XPOT: variants seen among roughly 807,000 people sequenced by gnomAD.
XPOT encodes the protein exportin for tRNA.
A neutral mutation model predicts 128.2 loss-of-function variants in XPOT; 34 were observed. The ratio of observed to expected loss-of-function variants is 0.27; its 90% CI spans 0.20 to 0.35. The LOEUF (loss-of-function observed/expected upper bound fraction) is 0.35. XPOT is among the 10% of genes least tolerant of loss of function. The pLI is 1.00. For synonymous variants in XPOT, 348 were observed against 394.3 expected (o/e 0.88, Z 1.39); for missense variants, 838 against 1,125.3 (o/e 0.74, Z 3.65).
At chr12:64,429,444 CT>C (rs34238513) in intron 16 of XPOT, among the ~76,000 whole-genome samples, 21,157 of 143,588 alleles carry the variant, frequency 0.15, 1,635 homozygotes, top group Middle Eastern at 0.24. Flanking sequence ...CACTCTAGTA[CT>C]TTTTTTTTTT....
intron 22 of XPOT, among the ~76,000 whole-genome samples, chr12:64,437,641 G>T (rs1164148194): frequency 6.6e-6 from 1 of 152,160 alleles, no homozygotes; most frequent in Non-Finnish European, 1.5e-5. Flanking sequence ...GTAGGCAGTG[G>T]GTTTGTAATT....
At chr12:64,425,714 G>A (rs2040186571) in intron 14 of XPOT, 101 bp from the exon 15 acceptor site, 1 of 1,171,874 alleles carries the variant, frequency 8.5e-7, no homozygotes, top group Non-Finnish European at 1.3e-6. Flanking sequence ...TGCCTTTTAG[G>A]AGCTAAGAAG....
rs746167584 is a variant in XPOT at position 64,420,429 on chromosome 12, G to C, written c.751G>C (p.Val251Leu). Residue 251 changes from valine to leucine, a missense_variant, in exon 8 of 25, where the codon GTA (valine) becomes CTA (leucine). Physicochemically the swap from Val to Leu is conservative, Grantham distance 32. Around this residue, in one of 3 missense-constraint regions of XPOT, gnomAD observed 761 missense variants for 988.3 expected, o/e 0.77. Coordinates refer to ENST00000332707, the MANE Select transcript of XPOT (RefSeq NM_007235.6). ...AGCATGTGACTGTTTATTTGAAGTT[G>C]TAAATAAAGGAATGGACCCTGTTGA... is the stretch of plus-strand genomic sequence containing the variant. Reference protein sequence around the residue: ...EEACDCLFEVVNKGMDPVDKM... With the variant: ...EEACDCLFEVLNKGMDPVDKM... 6.2e-7 allele frequency: 1 copy of C among 1,613,060 alleles called. No homozygotes were observed. Among genetic ancestry groups the C allele is most frequent in the South Asian group, 1.1e-5 (1 of 91,050 alleles).
chr12:64,410,864 T>G (rs577307885), intron 2 of XPOT, among the ~76,000 whole-genome samples: 1 of 152,282 alleles, frequency 6.6e-6, no homozygotes, highest in African/African-American at 2.4e-5. Context: ...GACGTGGGCA[T>G]TTGGAACTAT....
At position 64,423,221 on chromosome 12, in the gene XPOT, G is replaced by A; in HGVS notation, c.1159G>A (p.Glu387Lys). ...CGTTATGAAAAAATTGACTTACGATGAAGAATATAACTTTGAAAATGAGGT... is the reference window on the plus strand; with the variant it reads ...CGTTATGAAAAAATTGACTTACGATAAAGAATATAACTTTGAAAATGAGGT... ...LAVMKKLTYD[E>K]EYNFENEGED... is the part of the protein sequence containing the mutation. The change falls in exon 11 of 25, where the codon GAA (glutamate) becomes AAA (lysine). Residue 387 changes from glutamate (E) to lysine (K), a missense_variant. Glu to Lys is a moderately conservative substitution (Grantham distance 56). Transcript: ENST00000332707. The A allele has an allele frequency of 6.3e-7, 1 of 1,593,492 alleles. No homozygotes were observed. Among genetic ancestry groups the A allele is most frequent in the Non-Finnish European group, 8.5e-7 (1 of 1,174,628 alleles).
intron 24 of XPOT, 41 bp downstream of exon 24, chr12:64,445,172 T>C (rs776576476): frequency 1.9e-5 from 29 of 1,490,966 alleles, no homozygotes; most frequent in Non-Finnish European, 2.0e-5. Flanking sequence ...TACAATTAGG[T>C]AATGTTTGAG....
intron 6 of XPOT, among the ~76,000 whole-genome samples, chr12:64,419,403 C>T (rs1379850591): frequency 6.6e-6 from 1 of 152,074 alleles, no homozygotes; most frequent in Non-Finnish European, 1.5e-5. Context: ...CTGCAACCTC[C>T]GCCTCCTGGG....
intron 1 of XPOT, among the ~76,000 whole-genome samples, chr12:64,408,901 G>T (rs2040008962): frequency 6.6e-6 from 1 of 152,158 alleles, no homozygotes; most frequent in African/African-American, 2.4e-5. Context: ...TTGAACTCCT[G>T]ACCTTAAGTG....
At chr12:64,445,182 G>A in intron 24 of XPOT, 51 bp downstream of exon 24, 1 of 1,388,490 alleles carries the variant, frequency 7.2e-7, no homozygotes, top group Non-Finnish European at 1.0e-6. Context: ...TAATGTTTGA[G>A]AGCCAAGAGA....
intron 22 of XPOT, among the ~76,000 whole-genome samples, chr12:64,437,853 G>A (rs1011836714): frequency 6.6e-6 from 1 of 152,176 alleles, no homozygotes; most frequent in African/African-American, 2.4e-5. Flanking sequence ...GGTGGTGCAC[G>A]CCTGTAATCC....
intron 24 of XPOT, among the ~76,000 whole-genome samples, chr12:64,446,772 C>G (rs2040370345): frequency 6.6e-6 from 1 of 152,116 alleles, no homozygotes; most frequent in Admixed American, 6.6e-5. Flanking sequence ...CTAGGTTTGC[C>G]TTAAGCACAG....
rs1220828124 is a variant in XPOT, at chr12:64,448,501, TTA to T, written c.*372_*373del. ...AATATAAAATCTTTGAAAATTTTCT[TTA>T]TGTGTGAAGACACAAAGTATGGGGG... is the stretch of plus-strand genomic sequence containing the variant. On this transcript the variant is annotated 3_prime_UTR_variant, in exon 25 of 25. Transcript: ENST00000332707. 2.9e-4 allele frequency: 52 copies of T among 179,078 alleles called. No homozygotes were observed. The highest frequency in any genetic ancestry group is 1.1e-3 in the African/African-American group (48 of 42,462). 11.1% of individuals were successfully genotyped at this position (179,078 alleles called of 1,614,324 possible).
chr12:64,421,823 CTTTTT>C (rs1356583436), intron 9 of XPOT, among the ~76,000 whole-genome samples: 1 of 147,148 alleles, frequency 6.8e-6, no homozygotes, highest in East Asian at 2.0e-4. Context: ...ATTTTTTTTT[CTTTTT>C]TGAGACGGAG....
chr12:64,431,761 T>G lies in XPOT; in HGVS notation c.2200T>G (p.Cys734Gly), dbSNP rs1037800845. Residue 734 changes from cysteine (C) to glycine (G), a missense_variant, in exon 18 of 25, where the codon TGT becomes GGT. By Grantham distance (159) the Cys-to-Gly change is radical (BLOSUM62 -3). Transcript: ENST00000332707. ...PSASEHMLKD[C>G]EAKDLQEFIP... is the part of the protein sequence containing the mutation. ...TGCTTCAGAACATATGCTCAAAGAT[T>G]GTGAAGCAAAAGATCTCCAGGAGTT... 1.2e-6 allele frequency: 2 copies of G among 1,613,982 alleles called. No individual in the cohort carries two copies. Among genetic ancestry groups the G allele is most frequent in the Non-Finnish European group, 8.5e-7 (1 of 1,180,006 alleles).
intron 22 of XPOT, 21 bp downstream of exon 22, chr12:64,435,695 C>T (rs2040276878): frequency 1.3e-6 from 2 of 1,584,580 alleles, no homozygotes; most frequent in African/African-American, 2.7e-5. Flanking sequence ...TAGTCCATGC[C>T]CCTTCATTTT....
chr12:64,409,502 A>G (rs557316955), intron 1 of XPOT, among the ~76,000 whole-genome samples: 141 of 152,288 alleles, frequency 9.3e-4, no homozygotes, highest in Middle Eastern at 3.4e-3. Flanking sequence ...TTGGGAGGCC[A>G]AGGCGGGCGG....
intron 6 of XPOT, 110 bp from the exon 7 acceptor site, chr12:64,419,960 G>T: frequency 1.1e-6 from 1 of 898,774 alleles, no homozygotes; most frequent in South Asian, 2.2e-5. Context: ...AGGAAATACT[G>T]GTAGGGAATG....
chr12:64,421,176 T>A, intron 8 of XPOT, 59 bp from the exon 9 acceptor site: 1 of 1,253,262 alleles, frequency 8.0e-7, no homozygotes, highest in East Asian at 2.3e-5. Context: ...TAAAGTTCAG[T>A]TTTTCCTCTT....
Position 64,448,406 on chromosome 12 carries a change from G to A in XPOT, c.*275G>A, listed in dbSNP as rs2040382260. On this transcript the variant is annotated 3_prime_UTR_variant, in exon 25 of 25. Coordinates refer to ENST00000332707, the MANE Select transcript of XPOT (RefSeq NM_007235.6). ...CTAGAACCTTAATTCTTTTTTATTT[G>A]AAATTTTAAGTCAAGTCCTTTATAA... The A allele has an allele frequency of 2.7e-6, 1 of 366,182 alleles. No homozygotes were observed. Among genetic ancestry groups the A allele is most frequent in the Non-Finnish European group, 4.9e-6 (1 of 203,020 alleles). 22.7% of individuals were successfully genotyped at this position (366,182 alleles called of 1,614,324 possible).
Sources: allele counts gnomAD v4.1 joint callset (sites outside exome capture counted in the v4.1 genomes callset), GRCh38; gene constraint gnomAD v4.1.1; regional missense constraint gnomAD v4.1.1; transcripts MANE v1.5; gene names NCBI Gene and HGNC (gene_info 2026-07-23, HGNC 2026-07-21).